The following MGAT4C variants were observed in gnomAD, a reference collection of about 807,000 sequenced individuals.
MGAT4C encodes the protein alpha-1,3-mannosyl-glycoprotein 4-beta-N-acetylglucosaminyltransferase C.
In MGAT4C, 19 loss-of-function variants were observed where a neutral mutation model predicts 40.1. That is an observed-to-expected ratio of 0.47 (90% confidence interval 0.33 to 0.70). The LOEUF (loss-of-function observed/expected upper bound fraction) is 0.70, where lower values mean the gene tolerates loss of function less well. Among genes scored for constraint, MGAT4C ranks in the 30% least tolerant of loss-of-function variants. The probability of loss-of-function intolerance (pLI) is 0.02; values close to 1 mark genes in which losing one functional copy is unlikely to be tolerated. For missense variants in MGAT4C, 491 were observed against 563.2 expected (o/e 0.87, Z 1.30); for synonymous variants, 181 against 187.1 (o/e 0.97, Z 0.27).
intron 2 of MGAT4C, among the ~76,000 whole-genome samples, chr12:86,017,753 C>G (rs1031186078): frequency 1.3e-5 from 2 of 152,090 alleles, no homozygotes; most frequent in Non-Finnish European, 2.9e-5. Context: ...TACTTATCTT[C>G]ACTGCCTTGT....
chr12:86,061,318 C>A (rs1168532867), intron 1 of MGAT4C, among the ~76,000 whole-genome samples: 3 of 152,156 alleles, frequency 2.0e-5, no homozygotes, highest in African/African-American at 7.2e-5. Context: ...AGGAACGGTG[C>A]ACTCCAGCCC....
chr12:86,826,714 A>G (rs1480581385), intron 1 of MGAT4C, among the ~76,000 whole-genome samples: 1 of 151,176 alleles, frequency 6.6e-6, no homozygotes, highest in African/African-American at 2.4e-5. Flanking sequence ...AGTGCATATG[A>G]TTCTCCTTAG....
intron 2 of MGAT4C, among the ~76,000 whole-genome samples, chr12:86,607,555 G>T (rs1028712055): frequency 6.6e-6 from 1 of 152,060 alleles, no homozygotes; most frequent in African/African-American, 2.4e-5. Context: ...TTTATTTGCA[G>T]AATTTTATTT....
At chr12:86,251,329 T>C (rs1433623683) in intron 1 of MGAT4C, among the ~76,000 whole-genome samples, 1 of 151,894 alleles carries the variant, frequency 6.6e-6, no homozygotes, top group Non-Finnish European at 1.5e-5. Context: ...GAAATGCAAA[T>C]GAATGTATCC....
chr12:86,052,500 AAAT>A (rs1592788428), intron 1 of MGAT4C, among the ~76,000 whole-genome samples: 1 of 152,008 alleles, frequency 6.6e-6, no homozygotes, highest in East Asian at 1.9e-4. Context: ...ATGTTCTATT[AAAT>A]AATAAGAAAT....
intron 4 of MGAT4C, among the ~76,000 whole-genome samples, chr12:86,332,044 A>T (rs1341945250): frequency 6.6e-6 from 1 of 152,158 alleles, no homozygotes; most frequent in Non-Finnish European, 1.5e-5. Context: ...AATGCAGCGT[A>T]AAGGCATCAT....
Position 86,041,910 on chromosome 12 carries a change from G to T in MGAT4C, c.-7+7764C>A, listed in dbSNP as rs1891891497. Reference sequence around the variant, plus strand: ...TGATCTCCCTAATGTGCTCTGTGGGGCGTTGAACCCTCCTCCTGTTATTGT... The same window carrying T: ...TGATCTCCCTAATGTGCTCTGTGGGTCGTTGAACCCTCCTCCTGTTATTGT... On this transcript the variant is annotated intron_variant, in intron 2 of 4. Transcript: ENST00000611864. 2.0e-5 allele frequency among the ~76,000 whole-genome samples: 3 copies of T among 152,078 alleles called. No individual in the cohort carries two copies. In the South Asian group the frequency reaches 6.2e-4, roughly 32 times the overall value.
At chr12:86,577,022 A>C (rs1960589271) in intron 2 of MGAT4C, among the ~76,000 whole-genome samples, 1 of 151,400 alleles carries the variant, frequency 6.6e-6, no homozygotes. Context: ...TTCATTATAG[A>C]GCTCTTCTTT....
chr12:86,341,880 G>A (rs1954913110), intron 3 of MGAT4C, among the ~76,000 whole-genome samples: 1 of 152,188 alleles, frequency 6.6e-6, no homozygotes. Flanking sequence ...ACTCCTAGAG[G>A]AGAAGGTAGG....
At chr12:86,479,791 T>A (rs1592897534) in intron 2 of MGAT4C, among the ~76,000 whole-genome samples, 1 of 151,956 alleles carries the variant, frequency 6.6e-6, no homozygotes, top group East Asian at 1.9e-4. Context: ...GTTGGTAGGA[T>A]TAAGCCTCAT....
At chr12:86,122,827 G>A (rs1409059823) in intron 1 of MGAT4C, among the ~76,000 whole-genome samples, 1 of 152,028 alleles carries the variant, frequency 6.6e-6, no homozygotes, top group Non-Finnish European at 1.5e-5. Context: ...CAAAATGATA[G>A]TATTCTTAAT....
chr12:86,040,738 C>T (rs893082702), intron 2 of MGAT4C, among the ~76,000 whole-genome samples: 3 of 149,210 alleles, frequency 2.0e-5, no homozygotes, highest in Non-Finnish European at 4.5e-5. Context: ...AACAAACAAA[C>T]AAAAAAAAAA....
intron 1 of MGAT4C, among the ~76,000 whole-genome samples, chr12:86,131,913 C>G (rs1881243714): frequency 6.6e-6 from 1 of 151,880 alleles, no homozygotes; most frequent in African/African-American, 2.4e-5. Context: ...CCATTTAATT[C>G]AATTGTAAGA....
intron 2 of MGAT4C, among the ~76,000 whole-genome samples, chr12:86,030,913 T>C (rs1890701379): frequency 6.6e-6 from 1 of 151,776 alleles, no homozygotes; most frequent in East Asian, 1.9e-4. Context: ...ATGTAGTATA[T>C]CTGAAAGAAT....
At chr12:86,785,029 T>G (rs1951908650) in intron 1 of MGAT4C, among the ~76,000 whole-genome samples, 1 of 152,038 alleles carries the variant, frequency 6.6e-6, no homozygotes, top group South Asian at 2.1e-4. Context: ...TGGACATTTG[T>G]TAACTGCTAA....
intron 3 of MGAT4C, among the ~76,000 whole-genome samples, chr12:86,423,106 T>A (rs574045258): frequency 6.6e-6 from 1 of 152,144 alleles, no homozygotes; most frequent in Non-Finnish European, 1.5e-5. Context: ...GTTTTGCAAC[T>A]CTTTCTTTGC....
chr12:86,156,605 G>A (rs908738549), intron 1 of MGAT4C, among the ~76,000 whole-genome samples: 1 of 152,198 alleles, frequency 6.6e-6, no homozygotes, highest in Non-Finnish European at 1.5e-5. Context: ...ACAGGTGTGA[G>A]CCACCGCGTC....
chr12:86,548,266 G>C (rs1403927437), intron 2 of MGAT4C, among the ~76,000 whole-genome samples: 1 of 151,996 alleles, frequency 6.6e-6, no homozygotes, highest in Non-Finnish European at 1.5e-5. Context: ...TCCACACTGG[G>C]AGGGCATTTT....
intron 2 of MGAT4C, among the ~76,000 whole-genome samples, chr12:86,499,500 T>C (rs1958298551): frequency 6.6e-6 from 1 of 151,776 alleles, no homozygotes; most frequent in Non-Finnish European, 1.5e-5. Flanking sequence ...AAACCTCTCT[T>C]TGGCTTAAGG....
Sources: gnomAD v4.1 joint callset for allele counts (sites outside exome capture counted in the v4.1 genomes callset) on GRCh38, gnomAD v4.1.1 for gene constraint, MANE v1.5 for transcripts, NCBI Gene and HGNC (gene_info 2026-07-23, HGNC 2026-07-21) for gene names.